The following OFD1 variants were observed in gnomAD, a reference collection of about 807,000 sequenced individuals.
The protein encoded by OFD1 is centriole and centriolar satellite protein OFD1.
In OFD1, 12 loss-of-function variants were observed where a neutral mutation model predicts 81.4. The observed-to-expected ratio is 0.15, with a 90% confidence interval of 0.09 to 0.24. The LOEUF (loss-of-function observed/expected upper bound fraction) is 0.24, where lower values mean the gene tolerates loss of function less well. Among genes scored for constraint, OFD1 ranks in the 10% least tolerant of loss-of-function variants. The probability of loss-of-function intolerance (pLI) is 1.00; values close to 1 mark genes in which losing one functional copy is unlikely to be tolerated. For synonymous variants in OFD1, 256 were observed against 263.7 expected (o/e 0.97, Z 0.28); for missense variants, 685 against 733.9 (o/e 0.93, Z 0.77).
At chrX:13,764,839 C>T (rs934435480) in intron 19 of OFD1, among the ~76,000 whole-genome samples, 4 of 111,333 alleles carry the variant, frequency 3.6e-5, no homozygotes, top group African/African-American at 1.3e-4. Context: ...CTTTGCTCAG[C>T]GCTGAGCATA....
the OFD1 span, among the ~76,000 whole-genome samples, chrX:13,723,473 C>G: frequency 2.7e-5 from 3 of 111,687 alleles, no homozygotes; most frequent in Non-Finnish European, 5.7e-5. Context: ...CGGCCTGATT[C>G]CAAACGTTTT....
At chrX:13,715,450 G>A in the OFD1 span, 1,463 of 112,996 alleles carry the variant, frequency 0.013, 9 homozygotes, top group Middle Eastern at 0.023. Context: ...TCCAGCCTGG[G>A]TGACAGAGCA....
At chrX:13,719,802 G>T in the OFD1 span, 1 of 794,587 alleles carries the variant, frequency 1.3e-6, no homozygotes, top group South Asian at 2.8e-5. Context: ...TACCTTATCT[G>T]TCCAGATCTT....
chrX:13,766,080 A>G (rs1333534888), intron 19 of OFD1, among the ~76,000 whole-genome samples: 2 of 112,103 alleles, frequency 1.8e-5, no homozygotes, highest in South Asian at 7.4e-4. Context: ...GTTGGTACAG[A>G]TGAAATATTT....
chrX:13,743,711 A>C, intron 5 of OFD1, among the ~76,000 whole-genome samples: 1 of 110,422 alleles, frequency 9.1e-6, no homozygotes, highest in Non-Finnish European at 1.9e-5. Context: ...AATTGTGTTC[A>C]TCTTTGACAA....
chrX:13,717,082 G>T, the OFD1 span, among the ~76,000 whole-genome samples: 1 of 98,624 alleles, frequency 1.0e-5, no homozygotes, highest in Non-Finnish European at 2.0e-5. Context: ...CTGTGGAGAA[G>T]AGGTGCCATT....
At chrX:13,750,643 G>C (rs1026620342) in intron 9 of OFD1, among the ~76,000 whole-genome samples, 43 of 111,741 alleles carry the variant, frequency 3.8e-4, no homozygotes, top group African/African-American at 1.4e-3. Flanking sequence ...TTTTTTGTTT[G>C]TTTTGTTTTG....
intron 5 of OFD1, among the ~76,000 whole-genome samples, chrX:13,742,585 G>A (rs1186185845): frequency 2.7e-5 from 3 of 111,970 alleles, no homozygotes; most frequent in South Asian, 3.7e-4. Context: ...GTGCAGTGGC[G>A]TGACCTCGGC....
At chrX:13,727,759 C>T in the OFD1 span, among the ~76,000 whole-genome samples, 1 of 111,805 alleles carries the variant, frequency 8.9e-6, no homozygotes, top group East Asian at 2.8e-4. Context: ...CAGAGCAGAA[C>T]TGAAAGAGAT....
At chrX:13,735,869 A>T (rs974863810) in intron 2 of OFD1, among the ~76,000 whole-genome samples, 1 of 112,296 alleles carries the variant, frequency 8.9e-6, no homozygotes, top group Non-Finnish European at 1.9e-5. Context: ...GAGTAGGATT[A>T]GCTCAACGTG....
upstream of OFD1, chrX:13,734,577 C>T (rs1281993229): frequency 1.2e-5 from 7 of 561,180 alleles, no homozygotes; most frequent in Non-Finnish European, 1.6e-5. Context: ...GCGGAAGAGA[C>T]CCGCGCCCCG....
Position 13,756,562 on chromosome X carries a change from C to T in OFD1, c.1222-16C>T. 8.4e-7 allele frequency: 1 copy of T among 1,191,280 alleles called. No homozygotes were observed. Among genetic ancestry groups the T allele is most frequent in the Non-Finnish European group, 1.1e-6 (1 of 881,506 alleles). The stretch of plus-strand genomic sequence containing the variant: ...AAGTCATTATTCAAATGTAAATTTT[C>T]CTTTTTGAATTTTAGCTTGAATTAG... On this transcript the variant is annotated splice_polypyrimidine_tract_variant and intron_variant, in intron 12 of 22. Coordinates refer to ENST00000340096, the MANE Select transcript of OFD1 (RefSeq NM_003611.3).
intron 13 of OFD1, among the ~76,000 whole-genome samples, 194 bp from the exon 14 acceptor site, chrX:13,757,466 C>T (rs2047752242): frequency 8.9e-6 from 1 of 111,998 alleles, no homozygotes; most frequent in African/African-American, 3.3e-5. Context: ...CATTAACATG[C>T]ACTAAATTCT....
At chrX:13,747,269 G>A (rs904256694) in intron 8 of OFD1, among the ~76,000 whole-genome samples, 1 of 111,887 alleles carries the variant, frequency 8.9e-6, no homozygotes, top group Non-Finnish European at 1.9e-5. Flanking sequence ...GATTGGAGGT[G>A]CAGAGTAGTT....
chrX:13,737,330 T>C (rs1233517457), intron 3 of OFD1, among the ~76,000 whole-genome samples: 1 of 110,945 alleles, frequency 9.0e-6, no homozygotes, highest in Non-Finnish European at 1.9e-5. Flanking sequence ...TACTACTTTA[T>C]TATTTTAAAG....
At position 13,736,576 on chromosome X, in the gene OFD1, A is replaced by G; in HGVS notation, c.210A>G (p.Leu70=). Residue 70 remains leucine, a synonymous_variant, in exon 3 of 23, where the codon TTA becomes TTG. Coordinates refer to ENST00000340096, the MANE Select transcript of OFD1 (RefSeq NM_003611.3). ...RSISVEGSSL[L]IGASNSLVAD... ...TTTCAGTAGAAGGGAGCTCCCTCTTAATAGGCGCCTCTAACTCTTTAGTGG... is the reference window on the plus strand; with the variant it reads ...TTTCAGTAGAAGGGAGCTCCCTCTTGATAGGCGCCTCTAACTCTTTAGTGG... 1 of 1,208,738 alleles carries G rather than the reference A, an allele frequency of 8.3e-7. No individual in the cohort carries two copies. The highest frequency in any genetic ancestry group is 1.1e-6 in the Non-Finnish European group (1 of 892,679).
intron 17 of OFD1, 91 bp from the exon 18 acceptor site, chrX:13,762,253 C>T (rs2047963050): frequency 1.7e-6 from 1 of 579,634 alleles, no homozygotes; most frequent in South Asian, 2.4e-5. Context: ...TTTTGTAGAG[C>T]CTTTTCTTGA....
At chrX:13,722,181 A>ACTT in the OFD1 span, 1 of 91,241 alleles carries the variant, frequency 1.1e-5, no homozygotes. Flanking sequence ...AGGGCTTCTT[A>ACTT]CTTTCTTCAG....
chrX:13,731,722 G>A (rs1431791655), upstream of OFD1, among the ~76,000 whole-genome samples: 2 of 111,915 alleles, frequency 1.8e-5, no homozygotes, highest in Non-Finnish European at 3.8e-5. Flanking sequence ...GTCAATACTC[G>A]GAGAACATTG....
Sources: allele counts gnomAD v4.1 joint callset (sites outside exome capture counted in the v4.1 genomes callset), GRCh38; gene constraint gnomAD v4.1.1; transcripts MANE v1.5; gene names NCBI Gene and HGNC (gene_info 2026-07-23, HGNC 2026-07-21).